Variants in NR6A1 observed in about 807,000 individuals in gnomAD.
The protein encoded by NR6A1 is nuclear receptor subfamily 6 group A member 1, also known as retinoic acid receptor-related testis-associated receptor.
In NR6A1, 7 loss-of-function variants were observed where a neutral mutation model predicts 59.1. The observed-to-expected ratio is 0.12, with a 90% CI of 0.07 to 0.22. The LOEUF (loss-of-function observed/expected upper bound fraction) is 0.22. NR6A1 is among the 10% of genes least tolerant of loss of function. NR6A1 has a pLI of 1.00. For synonymous variants in NR6A1, 243 were observed against 236.1 expected, an observed-to-expected ratio of 1.03 and a Z score of -0.27; for missense variants, 468 against 611.6, an observed-to-expected ratio of 0.77 and a Z score of 2.48.
intron 2 of NR6A1, among the ~76,000 whole-genome samples, chr9:124,627,071 A>G (rs1412517774): frequency 2.0e-5 from 3 of 152,240 alleles, no homozygotes; most frequent in Non-Finnish European, 4.4e-5. Flanking sequence ...GAAGAATACA[A>G]CATTTCTTGA....
At chr9:124,541,838 T>TA (rs1300307117) in intron 4 of NR6A1, among the ~76,000 whole-genome samples, 1 of 152,112 alleles carries the variant, frequency 6.6e-6, no homozygotes, top group African/African-American at 2.4e-5. Flanking sequence ...TAAAACACCT[T>TA]AAAAAAGAGG....
At chr9:124,533,191 A>G (rs572264204) in intron 7 of NR6A1, among the ~76,000 whole-genome samples, 1 of 152,308 alleles carries the variant, frequency 6.6e-6, no homozygotes, top group African/African-American at 2.4e-5. Flanking sequence ...AGAGGCTGGG[A>G]TCCTTGGGCC....
intron 1 of NR6A1, among the ~76,000 whole-genome samples, chr9:124,759,975 G>GT (rs1840741632): frequency 6.6e-6 from 1 of 151,812 alleles, no homozygotes; most frequent in Admixed American, 6.6e-5. Flanking sequence ...AGGAGGTAGA[G>GT]GTTGCACTGA....
intron 2 of NR6A1, among the ~76,000 whole-genome samples, chr9:124,647,411 C>T (rs1271699364): frequency 6.6e-6 from 1 of 152,064 alleles, no homozygotes; most frequent in African/African-American, 2.4e-5. Flanking sequence ...AATGGACATA[C>T]ACAACCTACC....
At chr9:124,757,938 A>G (rs1840681469) in intron 1 of NR6A1, among the ~76,000 whole-genome samples, 1 of 152,224 alleles carries the variant, frequency 6.6e-6, no homozygotes, top group African/African-American at 2.4e-5. Context: ...TGATGGGCAC[A>G]CTGTACGAAA....
At chr9:124,726,073 T>C (rs1056988138) in intron 2 of NR6A1, among the ~76,000 whole-genome samples, 5 of 152,202 alleles carry the variant, frequency 3.3e-5, no homozygotes, top group Admixed American at 1.3e-4. Flanking sequence ...TTCCTGAATA[T>C]TGGGTGATGT....
At chr9:124,695,624 C>A (rs903884054) in intron 2 of NR6A1, among the ~76,000 whole-genome samples, 1 of 152,140 alleles carries the variant, frequency 6.6e-6, no homozygotes, top group Non-Finnish European at 1.5e-5. Context: ...CCCGCCTCGG[C>A]CGCCCAAATT....
chr9:124,711,557 G>T (rs1839281668), intron 2 of NR6A1, among the ~76,000 whole-genome samples: 2 of 152,178 alleles, frequency 1.3e-5, no homozygotes, highest in Non-Finnish European at 1.5e-5. Flanking sequence ...AAATCTCTCT[G>T]CAAGTAGATT....
intron 1 of NR6A1, among the ~76,000 whole-genome samples, chr9:124,766,566 T>C (rs1840940044): frequency 6.6e-6 from 1 of 152,168 alleles, no homozygotes; most frequent in Admixed American, 6.5e-5. Flanking sequence ...ACTTTTACTG[T>C]CCTACTTAAA....
chr9:124,588,611 G>A (rs1398560292), intron 2 of NR6A1, among the ~76,000 whole-genome samples: 3 of 147,282 alleles, frequency 2.0e-5, no homozygotes, highest in Admixed American at 6.7e-5. Flanking sequence ...CCAGGAACAC[G>A]TCGTACTGTT....
chr9:124,635,052 T>C (rs953767261), intron 2 of NR6A1, among the ~76,000 whole-genome samples: 3 of 152,186 alleles, frequency 2.0e-5, no homozygotes, highest in Admixed American at 6.5e-5. Flanking sequence ...GGGTGTTGTA[T>C]ATTAAATGGG....
chr9:124,732,697 ATT>A (rs879596333), intron 2 of NR6A1, among the ~76,000 whole-genome samples: 14 of 143,974 alleles, frequency 9.7e-5, no homozygotes, highest in Non-Finnish European at 7.7e-5. Flanking sequence ...GCAAGTACGA[ATT>A]TTTTTTTTTT....
chr9:124,701,659 AATTGAGTTGTCTTCTT>A (rs1478184898), intron 2 of NR6A1, among the ~76,000 whole-genome samples: 1 of 152,220 alleles, frequency 6.6e-6, no homozygotes, highest in Non-Finnish European at 1.5e-5. Flanking sequence ...AATTTCTAAA[AATTGAGTTGTCTTCTT>A]ATTGAGTTGT....
intron 2 of NR6A1, chr9:124,599,496 G>A: frequency 3.9e-6 from 2 of 507,090 alleles, no homozygotes; most frequent in South Asian, 3.1e-5. Flanking sequence ...GAAACTACTG[G>A]CTTAAACTGA....
At chr9:124,641,180 T>G (rs913259226) in intron 2 of NR6A1, among the ~76,000 whole-genome samples, 1 of 150,860 alleles carries the variant, frequency 6.6e-6, no homozygotes, top group East Asian at 2.0e-4. Context: ...GGCAAAACCC[T>G]GTCTCTACTA....
At chr9:124,542,154 G>A (rs1833465931) in intron 4 of NR6A1, among the ~76,000 whole-genome samples, 1 of 152,184 alleles carries the variant, frequency 6.6e-6, no homozygotes, top group Admixed American at 6.5e-5. Flanking sequence ...TTGTTCAAAA[G>A]GTAGATTTCA....
At chr9:124,600,993 A>AAAAAAAATGCGGTGGC (rs1173201729) in intron 2 of NR6A1, among the ~76,000 whole-genome samples, 1 of 152,158 alleles carries the variant, frequency 6.6e-6, no homozygotes, top group East Asian at 1.9e-4. Flanking sequence ...TAAGAAAAAA[A>AAAAAAAATGCGGTGGC]AAAAAAATGC....
intron 2 of NR6A1, among the ~76,000 whole-genome samples, chr9:124,576,567 G>A (rs761514704): frequency 1.3e-5 from 2 of 152,002 alleles, no homozygotes; most frequent in South Asian, 2.1e-4. Flanking sequence ...GATTATAGGC[G>A]TGAACCACCG....
chr9:124,754,138 A>G (rs1192322459), intron 1 of NR6A1, among the ~76,000 whole-genome samples: 1 of 152,148 alleles, frequency 6.6e-6, no homozygotes, highest in Non-Finnish European at 1.5e-5. Flanking sequence ...GGGGAGAAAA[A>G]CCTTGGGAGG....
Sources: gnomAD v4.1 joint callset for allele counts (sites outside exome capture counted in the v4.1 genomes callset) on GRCh38, gnomAD v4.1.1 for gene constraint, MANE v1.5 for transcripts, NCBI Gene and HGNC (gene_info 2026-07-23, HGNC 2026-07-21) for gene names.